WAC: variants seen among roughly 807,000 people sequenced by gnomAD.
WAC encodes WW domain containing adaptor with coiled-coil.
A neutral mutation model predicts 79.6 loss-of-function variants in WAC; 11 were observed. The observed-to-expected ratio is 0.14, with a 90% CI of 0.09 to 0.23. WAC has a LOEUF of 0.23. Among genes scored for constraint, WAC ranks in the 10% least tolerant of loss-of-function variants. The pLI is 1.00. For synonymous variants in WAC, 304 were observed against 276.9 expected, an observed-to-expected ratio of 1.10 and a Z score of -0.97; for missense variants, 728 against 773.5, an observed-to-expected ratio of 0.94 and a Z score of 0.70.
At position 28,611,719 on chromosome 10, in the gene WAC, A is replaced by G. The variant is rs1400847069; in HGVS notation, c.1289-55A>G. On this transcript the variant is annotated intron_variant, in intron 9 of 13. Transcript: ENST00000354911. ...TGCCACATATATTACAAAGGACTTTAGTTTTTTGTTTTGTTTTGTTTTTCT... is the reference window on the plus strand; with the variant it reads ...TGCCACATATATTACAAAGGACTTTGGTTTTTTGTTTTGTTTTGTTTTTCT... The G allele has an allele frequency of 6.7e-5, 106 of 1,587,358 alleles. 1 individual carries two copies. Among genetic ancestry groups the G allele is most frequent in the African/African-American group, 2.7e-5 (2 of 73,748 alleles).
chr10:28,559,870 G>C (rs567618662), intron 3 of WAC, among the ~76,000 whole-genome samples: 1 of 152,336 alleles, frequency 6.6e-6, no homozygotes, highest in South Asian at 2.1e-4. Flanking sequence ...ACATTCCTCA[G>C]ATAGATGTTT....
At chr10:28,536,161 C>T (rs1344703496) in intron 3 of WAC, among the ~76,000 whole-genome samples, 1 of 151,368 alleles carries the variant, frequency 6.6e-6, no homozygotes, top group South Asian at 2.1e-4. Context: ...GTAGGAGAAT[C>T]ACTTGAACCT....
At chr10:28,607,129 A>G (rs1430659366) in intron 7 of WAC, among the ~76,000 whole-genome samples, 1 of 152,156 alleles carries the variant, frequency 6.6e-6, no homozygotes, top group African/African-American at 2.4e-5. Flanking sequence ...GACGTATAGA[A>G]ATTCTTTAAA....
At chr10:28,543,358 T>A (rs1159531966) in intron 3 of WAC, among the ~76,000 whole-genome samples, 1 of 152,256 alleles carries the variant, frequency 6.6e-6, no homozygotes, top group African/African-American at 2.4e-5. Context: ...ATATTTCAAC[T>A]TGTAATTGAT....
intron 7 of WAC, among the ~76,000 whole-genome samples, chr10:28,603,961 G>GTATATATATATA (rs71391054): frequency 8.6e-4 from 18 of 20,892 alleles, no homozygotes; most frequent in African/African-American, 1.7e-3. Flanking sequence ...ATGTATGTAT[G>GTATATATATATA]TATATATATA....
chr10:28,570,275 T>A (rs1838873989), intron 3 of WAC, among the ~76,000 whole-genome samples: 1 of 152,238 alleles, frequency 6.6e-6, no homozygotes, highest in African/African-American at 2.4e-5. Context: ...TACCAACTTT[T>A]ATTCTAAGTA....
At chr10:28,577,391 T>TC (rs377371379) in intron 3 of WAC, among the ~76,000 whole-genome samples, 24 of 152,310 alleles carry the variant, frequency 1.6e-4, no homozygotes, top group African/African-American at 5.5e-4. Flanking sequence ...TCTGTGCTAT[T>TC]CAAGTTTTTA....
At chr10:28,585,747 C>A (rs1159206165) in intron 4 of WAC, among the ~76,000 whole-genome samples, 1 of 152,084 alleles carries the variant, frequency 6.6e-6, no homozygotes, top group Admixed American at 6.5e-5. Flanking sequence ...TTTGTCTACT[C>A]CTAGGACAGC....
chr10:28,599,238 C>T (rs752128404), intron 7 of WAC, among the ~76,000 whole-genome samples: 39 of 152,140 alleles, frequency 2.6e-4, no homozygotes, highest in Non-Finnish European at 4.3e-4. Context: ...TTATATTAAG[C>T]GCTGATGGTT....
chr10:28,603,964 T>TGTATATAC (rs1451893843), intron 7 of WAC, among the ~76,000 whole-genome samples: 3 of 27,246 alleles, frequency 1.1e-4, no homozygotes, highest in African/African-American at 6.9e-4. Context: ...TATGTATGTA[T>TGTATATAC]ATATATATAT....
intron 3 of WAC, among the ~76,000 whole-genome samples, chr10:28,541,446 T>TTTTA (rs1837041524): frequency 1.5e-5 from 2 of 135,968 alleles, no homozygotes; most frequent in Non-Finnish European, 3.1e-5. Flanking sequence ...TTTTTTTTTT[T>TTTTA]AAGACAGTCT....
rs773150089 is a variant in WAC at position 28,608,361 on chromosome 10, A to G, written c.1095A>G (p.Gln365=). 31 of 1,613,988 alleles carry G rather than the reference A, an allele frequency of 1.9e-5. No homozygotes were observed. The highest frequency in any genetic ancestry group is 4.4e-5 in the South Asian group (4 of 91,074). The change falls in exon 8 of 14, where the codon CAA becomes CAG. Residue 365 remains glutamine (Q), a synonymous_variant. Transcript: ENST00000354911. The stretch of plus-strand genomic sequence containing the variant: ...TTCAGGACCCAAATCTTCTTAGACA[A>G]TTGCTTCCTGCTTTGCAAGCCACGC... ...PLLQDPNLLR[Q]LLPALQATLQ...
intron 3 of WAC, among the ~76,000 whole-genome samples, chr10:28,581,604 G>C (rs1839541114): frequency 6.6e-6 from 1 of 152,050 alleles, no homozygotes; most frequent in Non-Finnish European, 1.5e-5. Flanking sequence ...GCCCAGGCTG[G>C]AGTGCAGTGG....
At chr10:28,544,459 G>T (rs1837242449) in intron 3 of WAC, among the ~76,000 whole-genome samples, 1 of 152,194 alleles carries the variant, frequency 6.6e-6, no homozygotes, top group Non-Finnish European at 1.5e-5. Context: ...GTCCATCCCT[G>T]TAGGATTGTT....
At chr10:28,590,311 CAAAAAAAAAAA>C (rs34562281) in intron 5 of WAC, among the ~76,000 whole-genome samples, 1 of 103,384 alleles carries the variant, frequency 9.7e-6, no homozygotes, top group Non-Finnish European at 1.9e-5. Flanking sequence ...GATGCTATCT[CAAAAAAAAAAA>C]AAAAAAAAAA....
At chr10:28,607,878 A>G (rs1351532601) in intron 7 of WAC, among the ~76,000 whole-genome samples, 1 of 152,236 alleles carries the variant, frequency 6.6e-6, no homozygotes, top group Non-Finnish European at 1.5e-5. Flanking sequence ...TATCTTTGAG[A>G]TAGCATTGGT....
intron 3 of WAC, among the ~76,000 whole-genome samples, chr10:28,554,234 A>G (rs938479051): frequency 1.4e-4 from 21 of 152,290 alleles, no homozygotes; most frequent in Admixed American, 9.8e-4. Context: ...TACTTCATAT[A>G]AGGGAATTGA....
At chr10:28,575,665 T>G (rs1839203368) in intron 3 of WAC, among the ~76,000 whole-genome samples, 1 of 152,238 alleles carries the variant, frequency 6.6e-6, no homozygotes, top group South Asian at 2.1e-4. Context: ...TTTTACTCAT[T>G]TTTAATCAGA....
chr10:28,557,604 G>A (rs1838065184), intron 3 of WAC, among the ~76,000 whole-genome samples: 2 of 152,120 alleles, frequency 1.3e-5, no homozygotes. Context: ...TGAGGCAGGA[G>A]GATTGCTTGA....
Sources: allele counts gnomAD v4.1 joint callset (sites outside exome capture counted in the v4.1 genomes callset), GRCh38; gene constraint gnomAD v4.1.1; transcripts MANE v1.5; gene names NCBI Gene and HGNC (gene_info 2026-07-23, HGNC 2026-07-21).